IPO5: variants seen among roughly 807,000 people sequenced by gnomAD.
The protein encoded by IPO5 is importin-5.
A neutral mutation model predicts 143.3 loss-of-function variants in IPO5; 18 were observed. The ratio of observed to expected loss-of-function variants is 0.13; its 90% CI spans 0.09 to 0.19. The LOEUF (loss-of-function observed/expected upper bound fraction) is 0.19. Among genes scored for constraint, IPO5 ranks in the 10% least tolerant of loss-of-function variants. IPO5 has a pLI of 1.00. For missense variants in IPO5, 1,013 were observed against 1,336.9 expected, an observed-to-expected ratio of 0.76 and a Z score of 3.78; for synonymous variants, 477 against 465.7, an observed-to-expected ratio of 1.02 and a Z score of -0.31.
chr13:98,013,203 G>A (rs1003150335), intron 21 of IPO5, among the ~76,000 whole-genome samples: 11 of 151,992 alleles, frequency 7.2e-5, no homozygotes, highest in African/African-American at 2.2e-4. Flanking sequence ...TCACAGACAT[G>A]CGCTACCATG....
chr13:98,002,664 T>C lies in IPO5; in HGVS notation c.1234-20T>C. ...GTGGAAACCTTCTTGCTTTTACTAA[T>C]GAAAGGGAACATTTTCCAGCATCCA... On this transcript the variant is annotated intron_variant, in intron 14 of 28. Transcript: ENST00000651721. 6.2e-7 allele frequency: 1 copy of C among 1,606,860 alleles called. No individual in the cohort carries two copies. Among genetic ancestry groups the C allele is most frequent in the East Asian group, 2.2e-5 (1 of 44,796 alleles).
At chr13:98,002,618 A>G in intron 14 of IPO5, 27 bp downstream of exon 14, 3 of 1,611,140 alleles carry the variant, frequency 1.9e-6, no homozygotes, top group Non-Finnish European at 2.5e-6. Context: ...ATTTGATTCA[A>G]AATGATTAGT....
At chr13:97,970,215 ATAAC>A (rs1172757138) in intron 3 of IPO5, among the ~76,000 whole-genome samples, 7 of 152,242 alleles carry the variant, frequency 4.6e-5, no homozygotes, top group African/African-American at 1.7e-4. Flanking sequence ...ATCAATAAAT[ATAAC>A]TATTTTATTT....
At chr13:97,986,499 G>T (rs1887363129) in intron 6 of IPO5, among the ~76,000 whole-genome samples, 1 of 151,970 alleles carries the variant, frequency 6.6e-6, no homozygotes. Context: ...GGAATTACAG[G>T]CATGCGCCAC....
intron 25 of IPO5, among the ~76,000 whole-genome samples, chr13:98,017,195 T>G (rs1357583220): frequency 1.3e-5 from 2 of 151,990 alleles, no homozygotes; most frequent in East Asian, 1.9e-4. Context: ...ATAATTCAAT[T>G]ATCTTTGTTA....
rs371777975 is a variant in IPO5 at position 98,006,193 on chromosome 13, G to A, written c.1561G>A (p.Asp521Asn). The change falls in exon 17 of 29, where the codon GAT becomes AAT. Residue 521 changes from aspartate to asparagine, a missense_variant. Transcript: ENST00000651721. ...QVVTSIASVA[D>N]TAEEKFVPYY... Reference sequence around the variant, plus strand: ...TGTGACATCCATTGCATCAGTTGCCGATACTGCAGAAGAAAAATTTGTCCC... The same window carrying A: ...TGTGACATCCATTGCATCAGTTGCCAATACTGCAGAAGAAAAATTTGTCCC... 7 of 1,613,610 alleles carry A rather than the reference G, an allele frequency of 4.3e-6. No individual in the cohort carries two copies. Among genetic ancestry groups the A allele is most frequent in the African/African-American group, 1.3e-5 (1 of 74,820 alleles).
At chr13:97,993,721 C>CT (rs1261238463) in intron 11 of IPO5, among the ~76,000 whole-genome samples, 5 of 152,314 alleles carry the variant, frequency 3.3e-5, no homozygotes, top group African/African-American at 4.8e-5. Context: ...GGAAATACTA[C>CT]TTTAAGTTTC....
chr13:97,971,184 T>C (rs1441565841), intron 3 of IPO5, among the ~76,000 whole-genome samples: 1 of 152,128 alleles, frequency 6.6e-6, no homozygotes, highest in Non-Finnish European at 1.5e-5. Flanking sequence ...ATCTCAAATA[T>C]AAAACTAAGA....
At chr13:98,019,843 C>T in intron 27 of IPO5, 34 bp downstream of exon 27, 1 of 1,405,368 alleles carries the variant, frequency 7.1e-7, no homozygotes, top group Non-Finnish European at 1.0e-6. Context: ...ATTTCCTTCT[C>T]CTCCACAGTG....
intron 3 of IPO5, among the ~76,000 whole-genome samples, chr13:97,976,172 G>T (rs1043210926): frequency 6.6e-6 from 1 of 151,666 alleles, no homozygotes; most frequent in Non-Finnish European, 1.5e-5. Context: ...GCGCTCAGCA[G>T]CTGGCCCCTC....
intron 2 of IPO5, among the ~76,000 whole-genome samples, chr13:97,954,552 T>C (rs1390163214): frequency 6.6e-6 from 1 of 152,164 alleles, no homozygotes; most frequent in Non-Finnish European, 1.5e-5. Context: ...TTTTCAGAGA[T>C]CACTAAAGTC....
At chr13:98,020,387 G>A (rs1890399714) in intron 27 of IPO5, among the ~76,000 whole-genome samples, 1 of 152,148 alleles carries the variant, frequency 6.6e-6, no homozygotes, top group Non-Finnish European at 1.5e-5. Flanking sequence ...TTAAGTTCAG[G>A]TTCACATAAG....
intron 11 of IPO5, 64 bp downstream of exon 11, chr13:97,993,289 AG>A: frequency 7.2e-7 from 1 of 1,384,400 alleles, no homozygotes. Flanking sequence ...AAATTTGCTG[AG>A]GGTTGTGTGA....
At position 98,002,671 on chromosome 13, in the gene IPO5, G is replaced by A. The variant is rs755213544; in HGVS notation, c.1234-13G>A. 1 of 1,607,066 alleles carries A rather than the reference G, an allele frequency of 6.2e-7. No individual in the cohort carries two copies. The highest frequency in any genetic ancestry group is 1.3e-5 in the African/African-American group (1 of 74,604). ...CCTTCTTGCTTTTACTAATGAAAGGGAACATTTTCCAGCATCCAAGAGTAA... is the reference window on the plus strand; with the variant it reads ...CCTTCTTGCTTTTACTAATGAAAGGAAACATTTTCCAGCATCCAAGAGTAA... On this transcript the variant is annotated splice_polypyrimidine_tract_variant and intron_variant, in intron 14 of 28. Coordinates refer to ENST00000651721, the MANE Select transcript of IPO5 (RefSeq NM_002271.6).
In IPO5 at chr13:97,992,836, A is replaced by T. The variant is rs974018025; in HGVS notation, c.670-56A>T. On this transcript the variant is annotated intron_variant, in intron 9 of 28. Coordinates refer to ENST00000651721, the MANE Select transcript of IPO5 (RefSeq NM_002271.6). ...TCAGCATCTTAGGAATCTTTTGGCT[A>T]ATGAGGCATTATAAAGTGAATCTTC... The T allele has an allele frequency of 3.1e-5, 48 of 1,536,750 alleles. No homozygotes were observed. The Admixed American group carries it at 9.6e-4, about 31-fold the overall frequency.
In IPO5 at chr13:98,021,841, A is replaced by G; in HGVS notation, c.*19A>G. 1 of 1,553,946 alleles carries G rather than the reference A, an allele frequency of 6.4e-7. No individual in the cohort carries two copies. Among genetic ancestry groups the G allele is most frequent in the South Asian group, 1.1e-5 (1 of 87,884 alleles). ...TGCGTGAAGGGCCTTAATGTCACCCACCAGAAAACTAACTCCAAATAAACG... is the reference window on the plus strand; with the variant it reads ...TGCGTGAAGGGCCTTAATGTCACCCGCCAGAAAACTAACTCCAAATAAACG... On this transcript the variant is annotated 3_prime_UTR_variant, in exon 29 of 29. Transcript: ENST00000651721.
chr13:98,015,793 C>T lies in IPO5; in HGVS notation c.2493+12C>T, dbSNP rs1890084565. 4.4e-6 allele frequency: 7 copies of T among 1,574,518 alleles called. No individual in the cohort carries two copies. The highest frequency in any genetic ancestry group is 6.0e-6 in the Non-Finnish European group (7 of 1,157,330). On this transcript the variant is annotated intron_variant, in intron 24 of 28. Coordinates refer to ENST00000651721, the MANE Select transcript of IPO5 (RefSeq NM_002271.6). ...CACTACAAGATGAGGTAAGTTATTC[C>T]CTTTGGAACTTACTTACGTGACCAC...
chr13:97,964,862 A>C (rs1211736217), intron 2 of IPO5, among the ~76,000 whole-genome samples: 2 of 152,198 alleles, frequency 1.3e-5, no homozygotes, highest in Non-Finnish European at 2.9e-5. Flanking sequence ...AAGGATTATA[A>C]ATCATTCTAC....
intron 3 of IPO5, among the ~76,000 whole-genome samples, chr13:97,973,876 C>G (rs1886042648): frequency 6.6e-6 from 1 of 151,860 alleles, no homozygotes; most frequent in Admixed American, 6.6e-5. Context: ...TTGAGACCAG[C>G]CTGGGTAACA....
Sources: allele counts gnomAD v4.1 joint callset (sites outside exome capture counted in the v4.1 genomes callset), GRCh38; gene constraint gnomAD v4.1.1; transcripts MANE v1.5; gene names NCBI Gene and HGNC (gene_info 2026-07-23, HGNC 2026-07-21).